The following NWD1 variants were observed in gnomAD, a reference collection of about 807,000 sequenced individuals.
The protein encoded by NWD1 is NACHT and WD repeat domain containing 1.
NWD1 carries 129 observed loss-of-function variants against 135.1 expected under a neutral mutation model. The ratio of observed to expected loss-of-function variants is 0.96; its 90% CI spans 0.83 to 1.11. The LOEUF (loss-of-function observed/expected upper bound fraction) is 1.11, where lower values mean the gene tolerates loss of function less well. Among genes scored for constraint, NWD1 ranks in the 50% least tolerant of loss-of-function variants. The pLI is 0.00. For missense variants in NWD1, 1,740 were observed against 1,851.3 expected, an observed-to-expected ratio of 0.94 and a Z score of 1.10; for synonymous variants, 773 against 786.0, an observed-to-expected ratio of 0.98 and a Z score of 0.28.
chr19:16,738,304 C>T (rs970324269), intron 4 of NWD1: 11 of 438,140 alleles, frequency 2.5e-5, no homozygotes, highest in Admixed American at 2.0e-4. Context: ...TATGGTGGCT[C>T]ACTCCTGTAA....
At chr19:16,812,205 G>A (rs1970945522) in intron 18 of NWD1, among the ~76,000 whole-genome samples, 1 of 152,030 alleles carries the variant, frequency 6.6e-6, no homozygotes, top group Admixed American at 6.6e-5. Context: ...CTACTTGAGA[G>A]GTTGAGGCAG....
At chr19:16,770,547 C>T (rs887166628) in intron 10 of NWD1, among the ~76,000 whole-genome samples, 9 of 152,062 alleles carry the variant, frequency 5.9e-5, no homozygotes, top group South Asian at 4.2e-4. Context: ...TGAGCCCCAC[C>T]GTGTCCATTG....
In NWD1 at chr19:16,773,953, TCCATCCATCCATCCA is replaced by T. The variant is rs1482978846; in HGVS notation, c.2608+631_2608+645del. ...ATCCATCCATCTATCCATCCATCCA[TCCATCCATCCATCCA>T]TCCATCCATTAATTCACCTTCCTAC... On this transcript the variant is annotated intron_variant, in intron 11 of 18. Coordinates refer to ENST00000524140, the MANE Select transcript of NWD1 (RefSeq NM_001007525.5). 4.3e-3 allele frequency among the ~76,000 whole-genome samples: 439 copies of T among 102,230 alleles called. 4 individuals are homozygous for T. The highest frequency in any genetic ancestry group is 0.039 in the African/African-American group (404 of 10,414). The allele number at this position is 102,230 out of a possible 152,430, so 67.1% of individuals were successfully genotyped here. A position where few individuals can be genotyped will look rare whatever the true frequency, so the allele number is the denominator to read the frequency against.
chr19:16,726,884 C>A (rs1481329170), intron 2 of NWD1, among the ~76,000 whole-genome samples: 2 of 152,172 alleles, frequency 1.3e-5, no homozygotes, highest in African/African-American at 2.4e-5. Context: ...GTCGTGGCAA[C>A]TGGAAAGGTC....
At chr19:16,767,194 T>C (rs962062471) in intron 10 of NWD1, among the ~76,000 whole-genome samples, 1 of 72,094 alleles carries the variant, frequency 1.4e-5, no homozygotes, top group Non-Finnish European at 2.8e-5. Context: ...TTTTTTTTTT[T>C]GGTGAGACAG....
chr19:16,746,965 A>G (rs879768210), intron 5 of NWD1, among the ~76,000 whole-genome samples: 1 of 151,748 alleles, frequency 6.6e-6, no homozygotes, highest in African/African-American at 2.4e-5. Flanking sequence ...GTTCAAGCCC[A>G]TGTTCTTCAA....
intron 18 of NWD1, among the ~76,000 whole-genome samples, chr19:16,814,289 C>T (rs1971007557): frequency 1.3e-5 from 2 of 152,174 alleles, no homozygotes; most frequent in South Asian, 4.1e-4. Context: ...TAAGGTCACA[C>T]AGTGAGTAAC....
chr19:16,752,738 C>T (rs563081333), intron 6 of NWD1, among the ~76,000 whole-genome samples: 7 of 151,626 alleles, frequency 4.6e-5, no homozygotes, highest in South Asian at 2.1e-4. Flanking sequence ...GGCTCACACC[C>T]GTAATCCCAG....
At chr19:16,785,790 A>G (rs1970019378) in intron 12 of NWD1, among the ~76,000 whole-genome samples, 1 of 147,540 alleles carries the variant, frequency 6.8e-6, no homozygotes, top group Non-Finnish European at 1.5e-5. Context: ...ACATAAATAT[A>G]TAAATATATA....
At chr19:16,764,370 TC>T (rs2122898429) in intron 9 of NWD1, among the ~76,000 whole-genome samples, 1 of 119,524 alleles carries the variant, frequency 8.4e-6, no homozygotes, top group Non-Finnish European at 1.6e-5. Context: ...TGTCCATCCA[TC>T]CATCCATCCA....
chr19:16,753,120 C>T (rs7258145), intron 6 of NWD1, among the ~76,000 whole-genome samples: 6,906 of 152,236 alleles, frequency 0.045, 516 homozygotes, highest in African/African-American at 0.16. Flanking sequence ...AAAATCAGAG[C>T]AGCTTCTCCT....
At chr19:16,764,978 G>A in intron 9 of NWD1, 56 bp from the exon 10 acceptor site, 1 of 1,578,106 alleles carries the variant, frequency 6.3e-7, no homozygotes, top group Non-Finnish European at 8.7e-7. Flanking sequence ...CCACCTCCCA[G>A]GATGAACTGG....
chr19:16,773,543 C>T lies in NWD1; in HGVS notation c.2608+220C>T, dbSNP rs142424031. Among the ~76,000 whole-genome samples, 400 of 152,164 alleles carry T rather than the reference C, an allele frequency of 2.6e-3. 4 individuals carry two copies. Among genetic ancestry groups the T allele is most frequent in the South Asian group, 0.023 (113 of 4,820 alleles). On this transcript the variant is annotated intron_variant, in intron 11 of 18. Coordinates refer to ENST00000524140, the MANE Select transcript of NWD1 (RefSeq NM_001007525.5). Reference sequence around the variant, plus strand: ...CTCATATAAATTCTTCTAATGAGCCCGATGCTAGGGGGTGCCTCCAAGCTT... The same window carrying T: ...CTCATATAAATTCTTCTAATGAGCCTGATGCTAGGGGGTGCCTCCAAGCTT...
intron 5 of NWD1, among the ~76,000 whole-genome samples, chr19:16,746,508 A>G (rs1335037958): frequency 6.6e-6 from 1 of 151,996 alleles, no homozygotes; most frequent in African/African-American, 2.4e-5. Flanking sequence ...CTCTGTCTCT[A>G]CTAAAATTAC....
chr19:16,784,986 G>T (rs1184923161), intron 12 of NWD1, among the ~76,000 whole-genome samples: 1 of 151,850 alleles, frequency 6.6e-6, no homozygotes, highest in African/African-American at 2.4e-5. Context: ...GGGGCCACAT[G>T]GTGTGCGACT....
At position 16,753,716 on chromosome 19, in the gene NWD1, G is replaced by A. The variant is rs1163416415; in HGVS notation, c.1769+3305G>A. 2.6e-5 allele frequency among the ~76,000 whole-genome samples: 4 copies of A among 152,152 alleles called. No homozygotes were observed. The East Asian group carries it at 7.7e-4, about 29-fold the overall frequency. ...AAAGGATTGTCCTACTTTAGAGAAT[G>A]ATCCAGCCCCAGATGTTGATAGTGC... On this transcript the variant is annotated intron_variant, in intron 6 of 18. Coordinates refer to ENST00000524140, the MANE Select transcript of NWD1 (RefSeq NM_001007525.5).
At chr19:16,771,936 C>T (rs1460279106) in intron 10 of NWD1, among the ~76,000 whole-genome samples, 1 of 150,508 alleles carries the variant, frequency 6.6e-6, no homozygotes, top group Non-Finnish European at 1.5e-5. Context: ...GCTGGGATTA[C>T]AGGCCTGCGC....
rs533733383 is a variant in NWD1, at chr19:16,807,874, C to A, written c.4025C>A (p.Thr1342Asn). 6.2e-7 allele frequency: 1 copy of A among 1,614,210 alleles called. No individual in the cohort carries two copies. Among genetic ancestry groups the A allele is most frequent in the East Asian group, 2.2e-5 (1 of 44,884 alleles). The change falls in exon 18 of 19, where the codon ACC becomes AAC. Residue 1342 changes from threonine to asparagine, a missense_variant. Coordinates refer to ENST00000524140, the MANE Select transcript of NWD1 (RefSeq NM_001007525.5). Reference sequence around the variant, plus strand: ...CCGGTCATCGATGGGCCAAGATACACCTTTTACACTCAGCTGCCCGAGACC... The same window carrying A: ...CCGGTCATCGATGGGCCAAGATACAACTTTTACACTCAGCTGCCCGAGACC... Reference protein sequence around the residue: ...PCPVIDGPRYTFYTQLPETLS... With the variant: ...PCPVIDGPRYNFYTQLPETLS...
Position 16,773,254 on chromosome 19 carries a change from G to A in NWD1, c.2539G>A (p.Val847Met), listed in dbSNP as rs142997351. 2.5e-6 allele frequency: 4 copies of A among 1,613,628 alleles called. No homozygotes were observed. The highest frequency in any genetic ancestry group is 1.7e-5 in the Admixed American group (1 of 60,008). ...WFQLCAHPVL[V>M]PLGGFLQPPG... ...CCAGTTGTGCGCACACCCTGTGCTG[G>A]TGCCCCTCGGAGGATTCCTCCAGCC... The change falls in exon 11 of 19, where the codon GTG (valine) becomes ATG (methionine). Residue 847 changes from valine to methionine, a missense_variant. Physicochemically the swap from Val to Met is conservative, Grantham distance 21. Coordinates refer to ENST00000524140, the MANE Select transcript of NWD1 (RefSeq NM_001007525.5).
Sources: gnomAD v4.1 joint callset for allele counts (sites outside exome capture counted in the v4.1 genomes callset) on GRCh38, gnomAD v4.1.1 for gene constraint, MANE v1.5 for transcripts, NCBI Gene and HGNC (gene_info 2026-07-23, HGNC 2026-07-21) for gene names.